The following CFAP20DC variants were observed in gnomAD, a reference collection of about 807,000 sequenced individuals.
The protein encoded by CFAP20DC is CFAP20 domain containing.
In CFAP20DC, 84 loss-of-function variants were observed where a neutral mutation model predicts 101.7. The observed-to-expected ratio is 0.83, with a 90% CI of 0.69 to 0.99. CFAP20DC has a LOEUF of 0.99. Among genes scored for constraint, CFAP20DC ranks in the 50% least tolerant of loss-of-function variants. The probability of loss-of-function intolerance (pLI) is 0.00; values close to 1 mark genes in which losing one functional copy is unlikely to be tolerated. For missense variants in CFAP20DC, 1,007 were observed against 970.3 expected, an observed-to-expected ratio of 1.04 and a Z score of -0.50; for synonymous variants, 359 against 351.2, an observed-to-expected ratio of 1.02 and a Z score of -0.25.
intron 4 of CFAP20DC, among the ~76,000 whole-genome samples, chr3:58,995,140 G>A (rs985958737): frequency 1.3e-5 from 2 of 152,158 alleles, no homozygotes; most frequent in South Asian, 2.1e-4. Context: ...TACCACCTTC[G>A]CTGTACATCC....
At chr3:58,972,261 C>CT (rs1270515582) in intron 4 of CFAP20DC, among the ~76,000 whole-genome samples, 2 of 152,118 alleles carry the variant, frequency 1.3e-5, no homozygotes, top group South Asian at 2.1e-4. Context: ...GGTTAGAACA[C>CT]AACAATTTAC....
chr3:58,756,613 C>T (rs1271065765), intron 15 of CFAP20DC, among the ~76,000 whole-genome samples: 1 of 152,004 alleles, frequency 6.6e-6, no homozygotes, highest in Non-Finnish European at 1.5e-5. Flanking sequence ...CAGAAGGGCA[C>T]ATTTGGGGTA....
chr3:59,013,704 C>A (rs2093633815), intron 4 of CFAP20DC, among the ~76,000 whole-genome samples: 2 of 152,092 alleles, frequency 1.3e-5, no homozygotes, highest in Non-Finnish European at 1.5e-5. Context: ...TCTTTCCTGA[C>A]CAAATATTTT....
intron 16 of CFAP20DC, 102 bp downstream of exon 16, chr3:58,753,667 T>C: frequency 1.2e-6 from 1 of 815,432 alleles, no homozygotes; most frequent in Non-Finnish European, 2.0e-6. Context: ...GACTAAGTGA[T>C]CAACATTTAA....
chr3:58,934,730 T>C (rs548030927), intron 5 of CFAP20DC, among the ~76,000 whole-genome samples: 2,736 of 152,322 alleles, frequency 0.018, 71 homozygotes, highest in African/African-American at 0.061. Flanking sequence ...CAGCCCTTCA[T>C]GCTAAAAACT....
chr3:58,835,950 T>C (rs566095258), intron 13 of CFAP20DC, among the ~76,000 whole-genome samples: 27 of 152,328 alleles, frequency 1.8e-4, no homozygotes, highest in Admixed American at 1.1e-3. Context: ...TATAATTCAA[T>C]TTCATCTCAA....
intron 4 of CFAP20DC, among the ~76,000 whole-genome samples, chr3:58,956,597 A>T (rs1175298985): frequency 1.3e-5 from 2 of 152,204 alleles, no homozygotes; most frequent in Non-Finnish European, 2.9e-5. Flanking sequence ...GGCACAGAAC[A>T]TGGAAGAACT....
chr3:58,812,921 T>C (rs2074784415), intron 14 of CFAP20DC, among the ~76,000 whole-genome samples: 1 of 151,838 alleles, frequency 6.6e-6, no homozygotes, highest in Non-Finnish European at 1.5e-5. Context: ...TTGGTTGATA[T>C]TTTCAGACAG....
chr3:58,958,191 C>T (rs2090814564), intron 4 of CFAP20DC, among the ~76,000 whole-genome samples: 1 of 151,996 alleles, frequency 6.6e-6, no homozygotes, highest in Admixed American at 6.6e-5. Flanking sequence ...TGCAGACCAC[C>T]TCTACTCAAA....
At chr3:58,814,088 C>A (rs905655089) in intron 14 of CFAP20DC, among the ~76,000 whole-genome samples, 11 of 151,880 alleles carry the variant, frequency 7.2e-5, no homozygotes, top group Admixed American at 7.2e-4. Context: ...GTACTCAGGT[C>A]TCCAGTGAAT....
chr3:58,852,645 C>T (rs1375062922), intron 12 of CFAP20DC, among the ~76,000 whole-genome samples: 1 of 150,010 alleles, frequency 6.7e-6, no homozygotes, highest in Non-Finnish European at 1.5e-5. Context: ...TCTCAGACCA[C>T]AGTGCAATCA....
chr3:58,920,660 C>T (rs2085262915), intron 5 of CFAP20DC, among the ~76,000 whole-genome samples: 1 of 152,024 alleles, frequency 6.6e-6, no homozygotes, highest in African/African-American at 2.4e-5. Flanking sequence ...AAATCAAGAC[C>T]AACCTTGAAA....
At position 58,884,670 on chromosome 3, in the gene CFAP20DC, T is replaced by C; in HGVS notation, c.590A>G (p.Asp197Gly). 1 of 1,613,764 alleles carries C rather than the reference T, an allele frequency of 6.2e-7. No homozygotes were observed. The highest frequency in any genetic ancestry group is 8.5e-7 in the Non-Finnish European group (1 of 1,179,744). The change falls in exon 7 of 17, where the codon GAT (aspartate) becomes GGT (glycine). Residue 197 changes from aspartate to glycine, a missense_variant. By Grantham distance (94) the Asp-to-Gly change is moderately conservative. Coordinates refer to ENST00000482387, the MANE Select transcript of CFAP20DC (RefSeq NM_001394063.1). ...GVPFSTDEPT[D>G]IIPRSCQLMT... Reference sequence around the variant, plus strand: ...TAGTTGACAGCTTCGTGGTATAATATCTGTAGGCTCATCTGTTGAAAAGGG... The same window carrying C: ...TAGTTGACAGCTTCGTGGTATAATACCTGTAGGCTCATCTGTTGAAAAGGG...
intron 14 of CFAP20DC, among the ~76,000 whole-genome samples, chr3:58,831,445 G>T (rs536978880): frequency 6.6e-6 from 1 of 152,322 alleles, no homozygotes; most frequent in Admixed American, 6.5e-5. Flanking sequence ...TTCTTTCAAT[G>T]TGTGATTTGA....
intron 5 of CFAP20DC, among the ~76,000 whole-genome samples, chr3:58,917,752 A>C (rs116711849): frequency 6.6e-6 from 1 of 152,182 alleles, no homozygotes; most frequent in Non-Finnish European, 1.5e-5. Flanking sequence ...TTGTAATTCT[A>C]TATTTACAAG....
intron 4 of CFAP20DC, among the ~76,000 whole-genome samples, chr3:58,952,849 T>C (rs1189365373): frequency 1.3e-5 from 2 of 152,126 alleles, no homozygotes; most frequent in Non-Finnish European, 2.9e-5. Flanking sequence ...GTGGCCTTTT[T>C]TGAAGCCCTA....
At chr3:58,990,849 C>T (rs1487287801) in intron 4 of CFAP20DC, among the ~76,000 whole-genome samples, 1 of 151,068 alleles carries the variant, frequency 6.6e-6, no homozygotes, top group African/African-American at 2.4e-5. Context: ...TGGTACCAAG[C>T]ATTTCAAATA....
At chr3:58,805,672 A>G (rs1329527358) in intron 15 of CFAP20DC, among the ~76,000 whole-genome samples, 1 of 152,208 alleles carries the variant, frequency 6.6e-6, no homozygotes, top group Non-Finnish European at 1.5e-5. Flanking sequence ...ATTTCCTAAT[A>G]TATGATAAAT....
chr3:58,957,411 A>G (rs2090735979), intron 4 of CFAP20DC, among the ~76,000 whole-genome samples: 1 of 152,184 alleles, frequency 6.6e-6, no homozygotes, highest in African/African-American at 2.4e-5. Context: ...TGGGAATGTA[A>G]ATTAGTACAG....
Sources: gnomAD v4.1 joint callset for allele counts (sites outside exome capture counted in the v4.1 genomes callset) on GRCh38, gnomAD v4.1.1 for gene constraint, MANE v1.5 for transcripts, NCBI Gene and HGNC (gene_info 2026-07-23, HGNC 2026-07-21) for gene names.